Variants in LPP observed in about 807,000 individuals in gnomAD.
LPP encodes LIM domain containing preferred translocation partner in lipoma, also known as lipoma-preferred partner.
Under a neutral mutation model 60.4 loss-of-function variants are expected in LPP, and 38 were observed. The ratio of observed to expected loss-of-function variants is 0.63; its 90% CI spans 0.49 to 0.83. The LOEUF (loss-of-function observed/expected upper bound fraction) is 0.83, where lower values mean the gene tolerates loss of function less well. Ranked by LOEUF, LPP falls within the 40% of genes least tolerant of loss-of-function variation. The pLI, the probability that LPP is intolerant of heterozygous loss-of-function variation, is 0.00. For synonymous variants in LPP, 328 were observed against 290.8 expected, an observed-to-expected ratio of 1.13 and a Z score of -1.30; for missense variants, 902 against 783.6, an observed-to-expected ratio of 1.15 and a Z score of -1.80.
intron 3 of LPP, among the ~76,000 whole-genome samples, chr3:188,346,511 G>A (rs1205876203): frequency 3.3e-5 from 5 of 150,932 alleles, no homozygotes; most frequent in Admixed American, 6.6e-5. Context: ...GAGTCCACCC[G>A]CCTCGGCCTA....
chr3:188,325,204 C>T (rs960034096), intron 2 of LPP, among the ~76,000 whole-genome samples: 15 of 152,138 alleles, frequency 9.9e-5, no homozygotes, highest in Non-Finnish European at 2.2e-4. Flanking sequence ...TGGTCTCGAA[C>T]TCCTGACCTC....
chr3:188,558,028 T>TAC (rs1181970477), intron 6 of LPP, among the ~76,000 whole-genome samples: 1 of 152,114 alleles, frequency 6.6e-6, no homozygotes, highest in Non-Finnish European at 1.5e-5. Context: ...TGCGTGTTTG[T>TAC]ACACCTTCTT....
At chr3:188,854,971 C>A (rs1763475027) in intron 9 of LPP, among the ~76,000 whole-genome samples, 1 of 152,112 alleles carries the variant, frequency 6.6e-6, no homozygotes, top group Admixed American at 6.5e-5. Flanking sequence ...TGGTTTAATT[C>A]TGATCTGAAA....
chr3:188,669,221 A>G (rs1856432784), intron 7 of LPP, among the ~76,000 whole-genome samples: 1 of 152,122 alleles, frequency 6.6e-6, no homozygotes, highest in South Asian at 2.1e-4. Flanking sequence ...AGTCTTATTT[A>G]CTCAGAGCAA....
At chr3:188,854,367 T>G (rs1224076342) in intron 9 of LPP, among the ~76,000 whole-genome samples, 1 of 152,238 alleles carries the variant, frequency 6.6e-6, no homozygotes, top group Non-Finnish European at 1.5e-5. Flanking sequence ...AGCTTCCTTT[T>G]GAGCTCCTCA....
intron 2 of LPP, among the ~76,000 whole-genome samples, chr3:188,306,903 T>A (rs1751714607): frequency 6.6e-6 from 1 of 152,202 alleles, no homozygotes; most frequent in African/African-American, 2.4e-5. Context: ...CTCAGTAGCA[T>A]CAACTTTGGC....
At chr3:188,716,646 A>C (rs915333367) in intron 8 of LPP, among the ~76,000 whole-genome samples, 3 of 152,224 alleles carry the variant, frequency 2.0e-5, no homozygotes, top group Non-Finnish European at 4.4e-5. Flanking sequence ...AAAAATTAGC[A>C]ACAAAGGCAA....
chr3:188,322,450 G>C (rs12486769), intron 2 of LPP, among the ~76,000 whole-genome samples: 15,989 of 152,138 alleles, frequency 0.11, 1,353 homozygotes, highest in East Asian at 0.31. Flanking sequence ...TCCTAGTTAG[G>C]CATGGAAGAG....
At chr3:188,615,656 A>G (rs886158538) in intron 7 of LPP, among the ~76,000 whole-genome samples, 1 of 152,180 alleles carries the variant, frequency 6.6e-6, no homozygotes, top group Non-Finnish European at 1.5e-5. Context: ...AAGACATTGT[A>G]CAGCTCAGGT....
At chr3:188,858,219 G>T (rs956400426) in intron 9 of LPP, among the ~76,000 whole-genome samples, 1 of 151,998 alleles carries the variant, frequency 6.6e-6, no homozygotes, top group African/African-American at 2.4e-5. Context: ...GACTTGTCTC[G>T]GAAGGAAAGG....
chr3:188,761,763 T>C (rs1434316620), intron 9 of LPP, among the ~76,000 whole-genome samples: 3 of 152,248 alleles, frequency 2.0e-5, no homozygotes, highest in Admixed American at 2.0e-4. Context: ...AGCGAAAGTC[T>C]AGTAAACAAA....
intron 1 of LPP, among the ~76,000 whole-genome samples, chr3:188,194,452 C>A (rs781512299): frequency 5.3e-5 from 8 of 152,262 alleles, no homozygotes; most frequent in Non-Finnish European, 1.2e-4. Context: ...CTCAACCATA[C>A]CATCTCCCAG....
intron 7 of LPP, among the ~76,000 whole-genome samples, chr3:188,665,233 G>T (rs1434197979): frequency 6.6e-6 from 1 of 151,794 alleles, no homozygotes; most frequent in East Asian, 1.9e-4. Flanking sequence ...GTGTTGAATG[G>T]GCTACAGGCA....
At chr3:188,526,651 A>T (rs369023667) in intron 6 of LPP, among the ~76,000 whole-genome samples, 1 of 152,178 alleles carries the variant, frequency 6.6e-6, no homozygotes, top group Non-Finnish European at 1.5e-5. Context: ...ATTGTTAGCC[A>T]TGTGGGATTC....
chr3:188,589,978 G>A (rs1580212295), intron 6 of LPP, among the ~76,000 whole-genome samples: 1 of 152,240 alleles, frequency 6.6e-6, no homozygotes, highest in African/African-American at 2.4e-5. Flanking sequence ...CAGCATTGTT[G>A]TCATGTCTAA....
intron 7 of LPP, among the ~76,000 whole-genome samples, chr3:188,689,368 A>G (rs1345688941): frequency 6.6e-6 from 1 of 152,208 alleles, no homozygotes; most frequent in Non-Finnish European, 1.5e-5. Flanking sequence ...CCAGAATGCT[A>G]TTATTTCACC....
chr3:188,551,610 A>G (rs548908404), intron 6 of LPP, among the ~76,000 whole-genome samples: 69 of 152,306 alleles, frequency 4.5e-4, no homozygotes, highest in Non-Finnish European at 8.8e-4. Context: ...AAAATATAAC[A>G]TATACACTAA....
rs545791784 is a variant in LPP at position 188,333,880 on chromosome 3, C to G, written c.-66-7783C>G. ...GTTTATTATTTCTTTGTGTTTGGAA[C>G]ATTCAAAAGCCACTCTTCTAGCTAC... On this transcript the variant is annotated intron_variant, in intron 2 of 11. Transcript: ENST00000617246. 8.8e-4 allele frequency among the ~76,000 whole-genome samples: 134 copies of G among 152,220 alleles called. 3 individuals carry two copies. The South Asian group carries it at 0.027, about 31-fold the overall frequency.
chr3:188,727,441 TC>T (rs1718844043), intron 8 of LPP, among the ~76,000 whole-genome samples: 1 of 152,180 alleles, frequency 6.6e-6, no homozygotes, highest in Non-Finnish European at 1.5e-5. Context: ...TAAGATGATT[TC>T]CAGTTAAGAT....
Sources: gnomAD v4.1 joint callset for allele counts (sites outside exome capture counted in the v4.1 genomes callset) on GRCh38, gnomAD v4.1.1 for gene constraint, MANE v1.5 for transcripts, NCBI Gene and HGNC (gene_info 2026-07-23, HGNC 2026-07-21) for gene names.